The following FCHO2 variants were observed in gnomAD, a reference collection of about 807,000 sequenced individuals.
The protein encoded by FCHO2 is FCH and mu domain containing endocytic adaptor 2, also known as F-BAR domain only protein 2.
A neutral mutation model predicts 114.1 loss-of-function variants in FCHO2; 43 were observed. That is an observed-to-expected ratio of 0.38 (90% CI 0.30 to 0.49). The LOEUF (loss-of-function observed/expected upper bound fraction) is 0.49, where lower values mean the gene tolerates loss of function less well. Ranked by LOEUF, FCHO2 falls within the 20% of genes least tolerant of loss-of-function variation. The pLI is 0.97. For synonymous variants in FCHO2, 293 were observed against 315.2 expected (o/e 0.93, Z 0.75); for missense variants, 807 against 950.4 (o/e 0.85, Z 1.98).
intron 10 of FCHO2, among the ~76,000 whole-genome samples, chr5:73,039,943 GAAAAA>G (rs1187248259): frequency 1.7e-5 from 2 of 117,774 alleles, no homozygotes; most frequent in African/African-American, 6.1e-5. Flanking sequence ...GAGAAAAAAA[GAAAAA>G]AAAAAAAAGA....
chr5:72,961,534 G>A (rs942124728), intron 1 of FCHO2, among the ~76,000 whole-genome samples: 3 of 151,804 alleles, frequency 2.0e-5, no homozygotes, highest in African/African-American at 7.3e-5. Flanking sequence ...ATAAGAGGGA[G>A]TAAATCTTCT....
intron 2 of FCHO2, among the ~76,000 whole-genome samples, chr5:72,983,991 C>T (rs1753376055): frequency 6.6e-6 from 1 of 152,154 alleles, no homozygotes; most frequent in South Asian, 2.1e-4. Context: ...TATCAGTTTA[C>T]ACCACCTTCC....
intron 5 of FCHO2, among the ~76,000 whole-genome samples, chr5:72,992,033 A>G (rs937779069): frequency 6.6e-6 from 1 of 152,210 alleles, no homozygotes; most frequent in African/African-American, 2.4e-5. Context: ...TGATAATGTA[A>G]TTAATCCATT....
chr5:73,028,603 G>A (rs1480269053), intron 8 of FCHO2, among the ~76,000 whole-genome samples: 2 of 148,498 alleles, frequency 1.3e-5, no homozygotes, highest in Non-Finnish European at 3.0e-5. Context: ...ATTTTGCTGA[G>A]TAAAAGAAGC....
At chr5:73,023,651 G>C (rs1225863628) in intron 8 of FCHO2, among the ~76,000 whole-genome samples, 1 of 151,334 alleles carries the variant, frequency 6.6e-6, no homozygotes, top group African/African-American at 2.4e-5. Flanking sequence ...AGCGAGCTCA[G>C]ATTGCGCCAT....
chr5:73,011,378 A>G (rs1227679328), intron 6 of FCHO2, among the ~76,000 whole-genome samples: 1 of 152,240 alleles, frequency 6.6e-6, no homozygotes, highest in East Asian at 1.9e-4. Flanking sequence ...GACATCTTAA[A>G]GTAGAAACAC....
chr5:73,035,566 G>A (rs1043503442), intron 9 of FCHO2, among the ~76,000 whole-genome samples: 9 of 152,080 alleles, frequency 5.9e-5, no homozygotes, highest in Non-Finnish European at 1.3e-4. Flanking sequence ...ACAGTGGTAC[G>A]ATCTCTGCTC....
At chr5:73,061,074 G>A (rs1325927262) in intron 17 of FCHO2, among the ~76,000 whole-genome samples, 3 of 150,526 alleles carry the variant, frequency 2.0e-5, no homozygotes, top group East Asian at 3.9e-4. Flanking sequence ...ATATTAACTC[G>A]AACCCTGATG....
Position 73,037,286 on chromosome 5 carries a change from G to A in FCHO2, c.914+71G>A, listed in dbSNP as rs1374858216. 16 of 1,183,992 alleles carry A rather than the reference G, an allele frequency of 1.4e-5. No homozygotes were observed. The Admixed American group carries it at 2.6e-4, about 19-fold the overall frequency. The allele number at this position is 1,183,992 out of a possible 1,614,324, so 73.3% of individuals were successfully genotyped here. On this transcript the variant is annotated intron_variant, in intron 10 of 25. Coordinates refer to ENST00000430046, the MANE Select transcript of FCHO2 (RefSeq NM_138782.3). The stretch of plus-strand genomic sequence containing the variant: ...GATTAAGAATAAGACTTTTGAATTT[G>A]GAAAGAAAAAAGTATTTTGGAAATA...
At chr5:73,087,512 GCTTA>G in intron 24 of FCHO2, 73 bp from the exon 25 acceptor site, 1 of 1,515,114 alleles carries the variant, frequency 6.6e-7, no homozygotes, top group Non-Finnish European at 9.0e-7. Context: ...ATGTAGTTTA[GCTTA>G]CTTGCTCATT....
chr5:73,017,308 G>C lies in FCHO2; in HGVS notation c.796G>C (p.Gly266Arg). The C allele has an allele frequency of 6.5e-7, 1 of 1,538,578 alleles. No homozygotes were observed. ...ESKGTGKERPGLIEFEECDTA... is the reference protein window; with the variant it reads ...ESKGTGKERPRLIEFEECDTA... ...AAAAGGCACTGGGAAGGAAAGACCT[G>C]GTAAGATGATAAACTCTGCAAGGAA... The change falls in exon 8 of 26, where the codon GGC becomes CGC. Residue 266 changes from glycine (G) to arginine (R), a missense_variant and splice_region_variant. Gly to Arg is a moderately radical substitution (Grantham distance 125). Transcript: ENST00000430046.
intron 9 of FCHO2, 148 bp downstream of exon 9, chr5:73,034,849 C>A: frequency 4.0e-6 from 2 of 498,498 alleles, no homozygotes; most frequent in Non-Finnish European, 3.4e-6. Flanking sequence ...AGTTTGAAGG[C>A]CTGCAGATGC....
chr5:73,042,429 A>C (rs1354720831), intron 11 of FCHO2, among the ~76,000 whole-genome samples: 1 of 152,164 alleles, frequency 6.6e-6, no homozygotes, highest in Non-Finnish European at 1.5e-5. Flanking sequence ...TACAACTTTA[A>C]TACTTCATGT....
At chr5:73,074,353 A>G (rs182826788) in intron 19 of FCHO2, among the ~76,000 whole-genome samples, 1 of 152,258 alleles carries the variant, frequency 6.6e-6, no homozygotes, top group African/African-American at 2.4e-5. Flanking sequence ...CTTAAATACA[A>G]AAATCCTAAA....
chr5:72,957,399 G>A (rs755285928), intron 1 of FCHO2, among the ~76,000 whole-genome samples: 1 of 152,038 alleles, frequency 6.6e-6, no homozygotes, highest in Non-Finnish European at 1.5e-5. Flanking sequence ...CCTGCCCCAG[G>A]CCTAGGCAAC....
intron 2 of FCHO2, among the ~76,000 whole-genome samples, chr5:72,972,663 T>G (rs1432922541): frequency 6.6e-6 from 1 of 152,230 alleles, no homozygotes; most frequent in African/African-American, 2.4e-5. Context: ...ACAATTTGAC[T>G]TCCTCTTTTC....
rs1743432028 is a variant in FCHO2 at position 73,089,919 on chromosome 5, G to A, written c.*1829G>A. 1 of 152,500 alleles carries A rather than the reference G, an allele frequency of 6.6e-6. No homozygotes were observed. Among genetic ancestry groups the A allele is most frequent in the Non-Finnish European group, 1.5e-5 (1 of 67,966 alleles). 9.4% of individuals were successfully genotyped at this position (152,500 alleles called of 1,614,324 possible). A position where few individuals can be genotyped will look rare whatever the true frequency, so the allele number is the denominator to read the frequency against. ...AATGCTAATCTTTACTAAATAGTGA[G>A]CTAAATTAGAATTTCTAACTCTTAT... is the stretch of plus-strand genomic sequence containing the variant. On this transcript the variant is annotated 3_prime_UTR_variant, in exon 26 of 26. Coordinates refer to ENST00000430046, the MANE Select transcript of FCHO2 (RefSeq NM_138782.3).
At chr5:73,050,947 ATACAGCT>A (rs1757312331) in intron 11 of FCHO2, among the ~76,000 whole-genome samples, 1 of 152,200 alleles carries the variant, frequency 6.6e-6, no homozygotes, top group African/African-American at 2.4e-5. Context: ...TTATATTTCC[ATACAGCT>A]TATAGCAATA....
At chr5:72,963,448 T>C (rs557796639) in intron 1 of FCHO2, among the ~76,000 whole-genome samples, 19 of 152,200 alleles carry the variant, frequency 1.2e-4, no homozygotes, top group Non-Finnish European at 2.8e-4. Context: ...TTCTACTATA[T>C]GGTTGTGTGT....
Sources: gnomAD v4.1 joint callset for allele counts (sites outside exome capture counted in the v4.1 genomes callset) on GRCh38, gnomAD v4.1.1 for gene constraint, MANE v1.5 for transcripts, NCBI Gene and HGNC (gene_info 2026-07-23, HGNC 2026-07-21) for gene names.